The following COG5 variants were observed in gnomAD, a reference collection of about 807,000 sequenced individuals.
COG5 encodes component of oligomeric golgi complex 5.
A neutral mutation model predicts 110.4 loss-of-function variants in COG5; 86 were observed. The ratio of observed to expected loss-of-function variants is 0.78; its 90% confidence interval spans 0.65 to 0.93. COG5 has a LOEUF of 0.93. Ranked by LOEUF, COG5 falls within the 40% of genes least tolerant of loss-of-function variation. The pLI is 0.00. For synonymous variants in COG5, 360 were observed against 334.6 expected, an observed-to-expected ratio of 1.08 and a Z score of -0.83; for missense variants, 1,077 against 987.0, an observed-to-expected ratio of 1.09 and a Z score of -1.22.
chr7:107,371,231 T>C (rs1236200114), intron 8 of COG5, among the ~76,000 whole-genome samples: 1 of 152,210 alleles, frequency 6.6e-6, no homozygotes, highest in Non-Finnish European at 1.5e-5. Flanking sequence ...CATCTCTTTT[T>C]ATCCAGTACA....
intron 19 of COG5, among the ~76,000 whole-genome samples, chr7:107,226,397 C>T (rs537848029): frequency 5.3e-5 from 8 of 152,240 alleles, no homozygotes; most frequent in Non-Finnish European, 7.4e-5. Flanking sequence ...ACTGCAACTG[C>T]TCAGGACTCA....
chr7:107,494,867 C>T (rs1418653228), intron 6 of COG5, among the ~76,000 whole-genome samples: 2 of 152,074 alleles, frequency 1.3e-5, no homozygotes, highest in Non-Finnish European at 2.9e-5. Flanking sequence ...CTGGAGATGG[C>T]TGAGAACAGG....
chr7:107,437,739 A>G (rs1584822494), intron 6 of COG5, among the ~76,000 whole-genome samples: 1 of 152,322 alleles, frequency 6.6e-6, no homozygotes, highest in South Asian at 2.1e-4. Context: ...GACATTCCTC[A>G]TAGAAACTGA....
At chr7:107,445,406 C>T (rs1307817291) in intron 6 of COG5, among the ~76,000 whole-genome samples, 1 of 152,062 alleles carries the variant, frequency 6.6e-6, no homozygotes, top group Non-Finnish European at 1.5e-5. Flanking sequence ...TCTTGCATAC[C>T]ACCCATAAAA....
At chr7:107,208,874 C>A in intron 21 of COG5, 1 of 985,424 alleles carries the variant, frequency 1.0e-6, no homozygotes. Context: ...GTCATAGCTT[C>A]CTCAGCAGTC....
At chr7:107,432,736 T>C (rs191417457) in intron 6 of COG5, among the ~76,000 whole-genome samples, 16 of 152,242 alleles carry the variant, frequency 1.1e-4, no homozygotes, top group Admixed American at 2.0e-4. Context: ...CCATGTACTA[T>C]AAAAAGTCCA....
intron 7 of COG5, among the ~76,000 whole-genome samples, chr7:107,373,714 C>A (rs1215330942): frequency 6.6e-6 from 1 of 152,046 alleles, no homozygotes; most frequent in Non-Finnish European, 1.5e-5. Context: ...GCTAAGTTAA[C>A]GAACAAATTA....
intron 6 of COG5, among the ~76,000 whole-genome samples, chr7:107,511,575 T>G (rs1799516200): frequency 6.6e-6 from 1 of 152,134 alleles, no homozygotes; most frequent in South Asian, 2.1e-4. Flanking sequence ...TACCAAAGCC[T>G]GGCAGAGACA....
At chr7:107,551,361 C>T (rs1057481553) in intron 3 of COG5, among the ~76,000 whole-genome samples, 1 of 152,118 alleles carries the variant, frequency 6.6e-6, no homozygotes, top group Non-Finnish European at 1.5e-5. Flanking sequence ...CTAGCAAATT[C>T]TCAAAAGTAA....
At chr7:107,471,160 T>C (rs996805299) in intron 6 of COG5, among the ~76,000 whole-genome samples, 6 of 152,076 alleles carry the variant, frequency 3.9e-5, no homozygotes, top group African/African-American at 1.4e-4. Context: ...GTGAACTCTA[T>C]TGTTAAATAA....
intron 18 of COG5, 139 bp from the exon 19 acceptor site, chr7:107,230,830 T>A (rs1296484191): frequency 2.9e-6 from 2 of 679,108 alleles, no homozygotes; most frequent in East Asian, 5.4e-5. Flanking sequence ...GATGGCCAAC[T>A]AAATTTATTA....
intron 6 of COG5, among the ~76,000 whole-genome samples, chr7:107,458,276 T>C (rs1795785927): frequency 6.6e-6 from 1 of 152,204 alleles, no homozygotes; most frequent in African/African-American, 2.4e-5. Context: ...TACCAGAAGG[T>C]ATCCCTGATG....
chr7:107,276,224 T>C (rs1562946428), intron 14 of COG5, among the ~76,000 whole-genome samples: 1 of 152,206 alleles, frequency 6.6e-6, no homozygotes, highest in Non-Finnish European at 1.5e-5. Context: ...CTTCAGTTTT[T>C]AAAAGGGATA....
rs759495387 is a variant in COG5, at chr7:107,475,369, G to A, written c.538+51868C>T. ...TCAGGTTGTCACAGACTAGAGAAAA[G>A]TCTCAGTTTCACCAAATCCACATTC... On this transcript the variant is annotated intron_variant, in intron 6 of 21. Coordinates refer to ENST00000297135, the MANE Select transcript of COG5 (RefSeq NM_006348.5). The A allele has an allele frequency of 2.3e-6, 3 of 1,328,940 alleles. No homozygotes were observed. The African/African-American group carries it at 4.5e-5, about 20-fold the overall frequency. The allele number at this position is 1,328,940 out of a possible 1,614,324, so 82.3% of individuals were successfully genotyped here.
intron 7 of COG5, among the ~76,000 whole-genome samples, chr7:107,403,110 G>C (rs990480058): frequency 6.6e-6 from 1 of 152,018 alleles, no homozygotes; most frequent in Non-Finnish European, 1.5e-5. Flanking sequence ...TGATGAAAGA[G>C]GTTATTTGCA....
Position 107,466,560 on chromosome 7 carries a change from T to C in COG5, c.539-53928A>G, listed in dbSNP as rs1242325787. Among the ~76,000 whole-genome samples the C allele has an allele frequency of 2.0e-5, 3 of 152,206 alleles. No homozygotes were observed. In the East Asian group the frequency reaches 5.8e-4, roughly 29 times the overall value. On this transcript the variant is annotated intron_variant, in intron 6 of 21. Coordinates refer to ENST00000297135, the MANE Select transcript of COG5 (RefSeq NM_006348.5). ...TAATCAGTATTCAGTTATTCTCATA[T>C]AGAAAATGAATCACCAATGTTGTTG...
chr7:107,202,359 A>G lies in COG5; in HGVS notation c.*1157T>C, dbSNP rs1798394633. 1 of 152,644 alleles carries G rather than the reference A, an allele frequency of 6.6e-6. No individual in the cohort carries two copies. The highest frequency in any genetic ancestry group is 2.4e-5 in the African/African-American group (1 of 41,450). 9.5% of individuals were successfully genotyped at this position (152,644 alleles called of 1,614,324 possible). On this transcript the variant is annotated 3_prime_UTR_variant, in exon 22 of 22. Transcript: ENST00000297135. The stretch of plus-strand genomic sequence containing the variant: ...AATACAGCTGCTTTTGCTCTGAGCT[A>G]CAATCATGGCTTTTCATGTTACTTA...
intron 18 of COG5, among the ~76,000 whole-genome samples, chr7:107,234,061 T>A (rs1456441528): frequency 6.6e-6 from 1 of 152,184 alleles, no homozygotes; most frequent in Non-Finnish European, 1.5e-5. Flanking sequence ...CGCCTGTCTT[T>A]TCTGTACCCA....
At chr7:107,235,992 C>G (rs1168786424) in intron 18 of COG5, among the ~76,000 whole-genome samples, 2 of 152,292 alleles carry the variant, frequency 1.3e-5, no homozygotes, top group South Asian at 2.1e-4. Context: ...TAATCAGACT[C>G]TATGTCTACC....
Sources: gnomAD v4.1 joint callset for allele counts (sites outside exome capture counted in the v4.1 genomes callset) on GRCh38, gnomAD v4.1.1 for gene constraint, MANE v1.5 for transcripts, NCBI Gene and HGNC (gene_info 2026-07-23, HGNC 2026-07-21) for gene names.